The following ALDH3A2 variants were observed in gnomAD, a reference collection of about 807,000 sequenced individuals.
The protein encoded by ALDH3A2 is aldehyde dehydrogenase 3 family member A2.
In ALDH3A2, 36 loss-of-function variants were observed where a neutral mutation model predicts 51.3. The observed-to-expected ratio is 0.70, with a 90% confidence interval of 0.54 to 0.93. The LOEUF (loss-of-function observed/expected upper bound fraction) is 0.93. Ranked by LOEUF, ALDH3A2 falls within the 40% of genes least tolerant of loss-of-function variation. ALDH3A2 has a pLI of 0.00. For synonymous variants in ALDH3A2, 199 were observed against 219.8 expected (o/e 0.91, Z 0.84); for missense variants, 552 against 603.1 (o/e 0.92, Z 0.89).
chr17:19,650,397 C>G (rs1040693173), intron 1 of ALDH3A2, among the ~76,000 whole-genome samples: 26 of 151,978 alleles, frequency 1.7e-4, no homozygotes, highest in Admixed American at 2.6e-4. Context: ...TCCTCCTGCC[C>G]CAACCTCCCA....
intron 9 of ALDH3A2, chr17:19,672,408 A>G (rs2072331): frequency 0.21 from 39,406 of 188,550 alleles, 4,747 homozygotes; most frequent in East Asian, 0.38. Flanking sequence ...AGGTGAAGGC[A>G]AGAACTCTGG....
chr17:19,675,799 T>A lies in ALDH3A2; in HGVS notation c.*227T>A. ...TCAGGGAACCTGTCTTAAATTGTGC[T>A]TATCTAAATCTTGGAACTTTGAGCT... On this transcript the variant is annotated 3_prime_UTR_variant, in exon 10 of 10. Coordinates refer to ENST00000176643, the MANE Select transcript of ALDH3A2 (RefSeq NM_000382.3). 1 of 585,474 alleles carries A rather than the reference T, an allele frequency of 1.7e-6. No individual in the cohort carries two copies. Among genetic ancestry groups the A allele is most frequent in the Non-Finnish European group, 3.0e-6 (1 of 330,602 alleles). The allele number at this position is 585,474 out of a possible 1,614,324, so 36.3% of individuals were successfully genotyped here.
rs1251899996 is a variant in ALDH3A2, at chr17:19,670,284, G to A, written c.1208-1437G>A. On this transcript the variant is annotated intron_variant, in intron 8 of 9. Coordinates refer to ENST00000176643, the MANE Select transcript of ALDH3A2 (RefSeq NM_000382.3). ...AGAATTTATATCTTTAAAATGTGGAGTCTTAATGGGAATATGTTATATCAT... is the reference window on the plus strand; with the variant it reads ...AGAATTTATATCTTTAAAATGTGGAATCTTAATGGGAATATGTTATATCAT... Among the ~76,000 whole-genome samples the A allele has an allele frequency of 2.0e-5, 3 of 152,274 alleles. No individual in the cohort carries two copies. The East Asian group carries it at 5.8e-4, about 29-fold the overall frequency.
chr17:19,653,365 C>G (rs894257210), intron 3 of ALDH3A2, among the ~76,000 whole-genome samples: 3 of 152,104 alleles, frequency 2.0e-5, no homozygotes, highest in African/African-American at 4.8e-5. Flanking sequence ...GGTGGGTTCT[C>G]GGTCTCACTG....
chr17:19,660,117 A>G (rs1178054548), intron 5 of ALDH3A2, among the ~76,000 whole-genome samples: 1 of 152,112 alleles, frequency 6.6e-6, no homozygotes, highest in Non-Finnish European at 1.5e-5. Flanking sequence ...GAGTGTGGTG[A>G]TGAATTCAAT....
intron 4 of ALDH3A2, among the ~76,000 whole-genome samples, chr17:19,657,071 C>G (rs1424125885): frequency 2.6e-5 from 4 of 152,204 alleles, no homozygotes; most frequent in African/African-American, 9.7e-5. Context: ...TCTGCTAAAT[C>G]CGGTTTAGCT....
At position 19,654,412 on chromosome 17, in the gene ALDH3A2, G is replaced by A. The variant is rs1009090565; in HGVS notation, c.471+1780G>A. On this transcript the variant is annotated intron_variant, in intron 3 of 9. Transcript: ENST00000176643. The surrounding 1 kb of genome is among the most constrained non-coding windows in gnomAD (Gnocchi z 4.5). ...GGCAGCATGGGAACCCACCAGGGGC[G>A]GGGTGGGGGCCTTGGGCATGGCGGG... 2.6e-5 allele frequency among the ~76,000 whole-genome samples: 4 copies of A among 152,224 alleles called. No homozygotes were observed. The highest frequency in any genetic ancestry group is 7.2e-5 in the African/African-American group (3 of 41,454).
intron 8 of ALDH3A2, among the ~76,000 whole-genome samples, chr17:19,671,417 T>G (rs1455053767): frequency 1.3e-5 from 2 of 152,222 alleles, no homozygotes; most frequent in African/African-American, 2.4e-5. Flanking sequence ...GGGATTGTGG[T>G]GAGAATTATC....
chr17:19,675,675 A>G lies in ALDH3A2; in HGVS notation c.*103A>G. ...AAATCATACCAAAAATAGTAAGAAA[A>G]TATGCAAACACTCTGTGATCAAACT... is the stretch of plus-strand genomic sequence containing the variant. On this transcript the variant is annotated 3_prime_UTR_variant, in exon 10 of 10. Transcript: ENST00000176643. 1.6e-6 allele frequency: 2 copies of G among 1,261,286 alleles called. No homozygotes were observed. The highest frequency in any genetic ancestry group is 3.4e-5 in the Admixed American group (2 of 59,196). The allele number at this position is 1,261,286 out of a possible 1,614,324, so 78.1% of individuals were successfully genotyped here.
intron 2 of ALDH3A2, 100 bp downstream of exon 2, chr17:19,651,878 G>A (rs1015633911): frequency 8.9e-7 from 1 of 1,125,134 alleles, no homozygotes; most frequent in Non-Finnish European, 1.3e-6. Context: ...CATTTACTTG[G>A]TGATTTGCCT....
chr17:19,656,323 A>AT (rs1555533536), intron 3 of ALDH3A2, 43 bp from the exon 4 acceptor site: 1 of 1,508,600 alleles, frequency 6.6e-7, no homozygotes, highest in Non-Finnish European at 9.2e-7. Context: ...AGACGTTAGG[A>AT]TTTATTTGGC....
intron 8 of ALDH3A2, 41 bp from the exon 9 acceptor site, chr17:19,671,680 A>G (rs1227760937): frequency 3.9e-6 from 6 of 1,555,350 alleles, no homozygotes; most frequent in Non-Finnish European, 5.3e-6. Context: ...AGCTTGCATC[A>G]TCTACAGTGA....
At chr17:19,648,690 T>G (rs551195428), upstream of ALDH3A2, 13 of 508,932 alleles carry the variant, frequency 2.6e-5, no homozygotes, top group Non-Finnish European at 7.1e-6. Context: ...GGCGAGGCCG[T>G]GAACAGCGGC....
intron 3 of ALDH3A2, among the ~76,000 whole-genome samples, chr17:19,653,881 A>G (rs940972508): frequency 2.6e-5 from 4 of 152,130 alleles, no homozygotes; most frequent in African/African-American, 4.8e-5. Context: ...GTCCGTTTTG[A>G]CAGGGTGCTG....
At chr17:19,650,309 T>TC (rs2084797951) in intron 1 of ALDH3A2, among the ~76,000 whole-genome samples, 1 of 150,832 alleles carries the variant, frequency 6.6e-6, no homozygotes, top group Non-Finnish European at 1.5e-5. Context: ...ACGGACAGGG[T>TC]CTCCCTTTGT....
intron 8 of ALDH3A2, 66 bp downstream of exon 8, chr17:19,665,113 G>T: frequency 1.4e-6 from 2 of 1,389,086 alleles, no homozygotes; most frequent in Non-Finnish European, 2.0e-6. Context: ...TGAGTGGATT[G>T]TATGGGCTGC....
In ALDH3A2 at chr17:19,657,362, A is replaced by G. The variant is rs182390471; in HGVS notation, c.681-383A>G. 5.3e-4 allele frequency among the ~76,000 whole-genome samples: 81 copies of G among 152,308 alleles called. 1 individual carries two copies. The highest frequency in any genetic ancestry group is 3.4e-3 in the Middle Eastern group (1 of 294). On this transcript the variant is annotated intron_variant, in intron 4 of 9. Transcript: ENST00000176643. ...CTGAACATCTTGCAGGCAGAGCCAAAAGCCACAACCAGGAGAGTCTGTACC... is the reference window on the plus strand; with the variant it reads ...CTGAACATCTTGCAGGCAGAGCCAAGAGCCACAACCAGGAGAGTCTGTACC...
At chr17:19,668,406 C>T (rs1329236438) in intron 8 of ALDH3A2, among the ~76,000 whole-genome samples, 1 of 151,998 alleles carries the variant, frequency 6.6e-6, no homozygotes, top group Non-Finnish European at 1.5e-5. Context: ...CGACACCACT[C>T]CTACCTAATT....
intron 8 of ALDH3A2, among the ~76,000 whole-genome samples, chr17:19,669,414 A>AT (rs1390716996): frequency 1.3e-5 from 2 of 152,042 alleles, no homozygotes; most frequent in African/African-American, 4.8e-5. Flanking sequence ...TGCTGGCACC[A>AT]TTTTTTGAAA....
Sources: allele counts gnomAD v4.1 joint callset (sites outside exome capture counted in the v4.1 genomes callset), GRCh38; gene constraint gnomAD v4.1.1; non-coding constraint Gnocchi (gnomAD v3.1); transcripts MANE v1.5; gene names NCBI Gene and HGNC (gene_info 2026-07-23, HGNC 2026-07-21).